AEN: variants seen among roughly 807,000 people sequenced by gnomAD.
The protein encoded by AEN is apoptosis-enhancing nuclease.
A neutral mutation model predicts 17.7 loss-of-function variants in AEN; 21 were observed. That is an observed-to-expected ratio of 1.19 (90% CI 0.84 to 1.71). AEN has a LOEUF of 1.71. AEN is among the 40% of genes most tolerant of loss of function. AEN has a pLI of 0.00. For missense variants in AEN, 462 were observed against 435.9 expected, an observed-to-expected ratio of 1.06 and a Z score of -0.53; for synonymous variants, 190 against 173.0, an observed-to-expected ratio of 1.10 and a Z score of -0.77.
chr15:88,624,714 C>A (rs2057829488), intron 1 of AEN, among the ~76,000 whole-genome samples: 1 of 152,066 alleles, frequency 6.6e-6, no homozygotes, highest in Admixed American at 6.5e-5. Context: ...CAAAACGCCA[C>A]CTCTATTAAA....
upstream of AEN, among the ~76,000 whole-genome samples, chr15:88,617,679 G>A (rs1282036729): frequency 1.3e-5 from 2 of 152,032 alleles, no homozygotes; most frequent in Non-Finnish European, 2.9e-5. Flanking sequence ...CGTCTCTCGG[G>A]TTCTGGAAAT....
At chr15:88,604,913 G>A in the AEN span, 1 of 152,184 alleles carries the variant, frequency 6.6e-6, no homozygotes, top group Non-Finnish European at 1.5e-5. The surrounding 1 kb of genome is among the most constrained non-coding windows in gnomAD (Gnocchi z 8.1). Context: ...CGGAGAGCAA[G>A]TGGTCTTCCT....
the AEN span, chr15:88,611,962 C>A: frequency 2.1e-6 from 1 of 465,948 alleles, no homozygotes; most frequent in East Asian, 6.9e-5. Context: ...GGGGCAGCCC[C>A]CCTTTTTGGC....
the AEN span, chr15:88,612,071 G>A: frequency 3.1e-5 from 11 of 356,338 alleles, 1 homozygote; most frequent in South Asian, 2.3e-4. Flanking sequence ...CCAGAAACAT[G>A]GACAAACTAT....
chr15:88,604,883 G>A, the AEN span: 1 of 152,308 alleles, frequency 6.6e-6, no homozygotes, highest in Non-Finnish European at 1.5e-5. This position sits in a 1 kb window ranked among gnomAD's most constrained non-coding sequence, Gnocchi z 8.1. Context: ...GGTGGTGAGG[G>A]GCTTTCTTCC....
At position 88,629,212 on chromosome 15, in the gene AEN, C is replaced by CT; in HGVS notation, c.541-11dup. ...GTGTGGGGTGACCTCCCTGACTCCT[C>CT]TTTCTGCTCACAGATCCTTAAGCTC... On this transcript the variant is annotated splice_polypyrimidine_tract_variant and intron_variant, in intron 2 of 3. Transcript: ENST00000332810. 1 of 1,613,600 alleles carries CT rather than the reference C, an allele frequency of 6.2e-7. No homozygotes were observed. Among genetic ancestry groups the CT allele is most frequent in the Non-Finnish European group, 8.5e-7 (1 of 1,179,626 alleles).
At chr15:88,611,888 G>A in the AEN span, 2 of 519,326 alleles carry the variant, frequency 3.9e-6, no homozygotes, top group South Asian at 1.5e-5. Context: ...TTGTCTTACT[G>A]CGCTCAACAA....
In AEN at chr15:88,629,318, C is replaced by G; in HGVS notation, c.633C>G (p.Thr211=). ...ALKYVHPRSQ[T]RDTTYVPNFL... is the part of the protein sequence containing the mutation. ...AGTATGTCCACCCTCGGAGCCAGAC[C>G]CGGGATACGACCTATGTCCCAAACT... Residue 211 remains threonine (T), a synonymous_variant, in exon 3 of 4, where the codon ACC becomes ACG. Transcript: ENST00000332810. The G allele has an allele frequency of 6.2e-7, 1 of 1,614,104 alleles. No individual in the cohort carries two copies. Among genetic ancestry groups the G allele is most frequent in the Non-Finnish European group, 8.5e-7 (1 of 1,180,004 alleles).
At position 88,630,412 on chromosome 15, in the gene AEN, A is replaced by AACTCCTCTGGCCCT; in HGVS notation, c.*118_*119insACTCCTCTGGCCCT. Reference sequence around the variant, plus strand: ...GGGCAGGATGCAGTGAGCCAGCCCCAGGGCCAGAGGAGTAGGGGTCATCTG... The same window carrying AACTCCTCTGGCCCT: ...GGGCAGGATGCAGTGAGCCAGCCCCAACTCCTCTGGCCCTGGGCCAGAGGAGTAGGGGTCATCTG... On this transcript the variant is annotated 3_prime_UTR_variant, in exon 4 of 4. Coordinates refer to ENST00000332810, the MANE Select transcript of AEN (RefSeq NM_022767.4). This position sits in a 1 kb window ranked among gnomAD's most constrained non-coding sequence, Gnocchi z 5.1. 2 of 925,152 alleles carry AACTCCTCTGGCCCT rather than the reference A, an allele frequency of 2.2e-6. No individual in the cohort carries two copies. Among genetic ancestry groups the AACTCCTCTGGCCCT allele is most frequent in the Non-Finnish European group, 3.3e-6 (2 of 602,638 alleles). The allele number at this position is 925,152 out of a possible 1,614,324, so 57.3% of individuals were successfully genotyped here. A position where few individuals can be genotyped will look rare whatever the true frequency, so the allele number is the denominator to read the frequency against.
intron 2 of AEN, 58 bp from the exon 3 acceptor site, chr15:88,629,168 C>A: frequency 6.4e-7 from 1 of 1,569,334 alleles, no homozygotes. Context: ...CAGGGCGTGT[C>A]TCCTGCCAAC....
At chr15:88,629,043 T>C in intron 2 of AEN, 183 bp from the exon 3 acceptor site, 1 of 624,318 alleles carries the variant, frequency 1.6e-6, no homozygotes, top group Non-Finnish European at 2.8e-6. Flanking sequence ...GTATAGACAG[T>C]AGAAGGGTCT....
At chr15:88,621,623 C>G (rs1359068115) in intron 1 of AEN, 2 of 152,284 alleles carry the variant, frequency 1.3e-5, no homozygotes, top group South Asian at 2.1e-4. Context: ...CTCGGCCCAG[C>G]TGCCGCGGCC....
the AEN span, among the ~76,000 whole-genome samples, chr15:88,612,505 G>C: frequency 2.6e-5 from 4 of 152,268 alleles, no homozygotes; most frequent in Admixed American, 6.5e-5. Context: ...CCAGTGCTTG[G>C]GGACCATCCC....
chr15:88,630,063 C>T lies in AEN; in HGVS notation c.747C>T (p.Gly249=). 6.2e-7 allele frequency: 1 copy of T among 1,613,966 alleles called. No individual in the cohort carries two copies. Among genetic ancestry groups the T allele is most frequent in the Non-Finnish European group, 8.5e-7 (1 of 1,179,992 alleles). Residue 249 remains glycine (G), a synonymous_variant, in exon 4 of 4, where the codon GGC becomes GGT. Transcript: ENST00000332810. The surrounding 1 kb of genome is among the most constrained non-coding windows in gnomAD (Gnocchi z 5.1). ...GTGTTGGCTCTCGTCAGTAGGTGGGCCAGCACGGGCACTCATCAGTAGAAG... is the reference window on the plus strand; with the variant it reads ...GTGTTGGCTCTCGTCAGTAGGTGGGTCAGCACGGGCACTCATCAGTAGAAG... ...LQLLHKKIQV[G]QHGHSSVEDA...
chr15:88,625,132 G>T (rs1214573628), intron 1 of AEN, among the ~76,000 whole-genome samples: 4 of 152,296 alleles, frequency 2.6e-5, no homozygotes, highest in Non-Finnish European at 5.9e-5. Flanking sequence ...CTGGGTGGGA[G>T]CCCATCACAG....
intron 2 of AEN, chr15:88,626,977 G>C: frequency 1.8e-6 from 1 of 562,710 alleles, no homozygotes; most frequent in South Asian, 2.3e-5. Context: ...ATGTAGAAAG[G>C]CTACACCAAC....
At position 88,630,590 on chromosome 15, in the gene AEN, A is replaced by G. The variant is rs1470006525; in HGVS notation, c.*296A>G. On this transcript the variant is annotated 3_prime_UTR_variant, in exon 4 of 4. Coordinates refer to ENST00000332810, the MANE Select transcript of AEN (RefSeq NM_022767.4). This position sits in a 1 kb window ranked among gnomAD's most constrained non-coding sequence, Gnocchi z 5.1. Reference sequence around the variant, plus strand: ...TTCTAGGGCCCAGCAGGAGTAGGGAATGTGCCAACAGACTGCCCAGGTTGC... The same window carrying G: ...TTCTAGGGCCCAGCAGGAGTAGGGAGTGTGCCAACAGACTGCCCAGGTTGC... The G allele has an allele frequency of 1.8e-5, 7 of 396,686 alleles. No individual in the cohort carries two copies. Among genetic ancestry groups the G allele is most frequent in the Non-Finnish European group, 3.3e-5 (7 of 211,494 alleles). 24.6% of individuals were successfully genotyped at this position (396,686 alleles called of 1,614,324 possible).
the AEN span, among the ~76,000 whole-genome samples, chr15:88,615,485 C>A: frequency 1.3e-5 from 2 of 152,140 alleles, no homozygotes; most frequent in South Asian, 4.2e-4. Flanking sequence ...CGGGGAGCTG[C>A]GTGCATAAAA....
chr15:88,630,379 G>A lies in AEN; in HGVS notation c.*85G>A, dbSNP rs2057913638. On this transcript the variant is annotated 3_prime_UTR_variant, in exon 4 of 4. Coordinates refer to ENST00000332810, the MANE Select transcript of AEN (RefSeq NM_022767.4). This position sits in a 1 kb window ranked among gnomAD's most constrained non-coding sequence, Gnocchi z 5.1. The stretch of plus-strand genomic sequence containing the variant: ...GAGAGCAGCGGGCACTCCTTCCTGG[G>A]CAGGGTGGGGCAGGATGCAGTGAGC... 7.7e-7 allele frequency: 1 copy of A among 1,303,706 alleles called. No individual in the cohort carries two copies. The highest frequency in any genetic ancestry group is 1.1e-6 in the Non-Finnish European group (1 of 937,320). 80.8% of individuals were successfully genotyped at this position (1,303,706 alleles called of 1,614,324 possible).
Sources: allele counts gnomAD v4.1 joint callset (sites outside exome capture counted in the v4.1 genomes callset), GRCh38; gene constraint gnomAD v4.1.1; non-coding constraint Gnocchi (gnomAD v3.1); transcripts MANE v1.5; gene names NCBI Gene and HGNC (gene_info 2026-07-23, HGNC 2026-07-21).